The following KIAA0586 variants were observed in gnomAD, a reference collection of about 807,000 sequenced individuals.
The protein encoded by KIAA0586 is protein TALPID3.
In KIAA0586, 144 loss-of-function variants were observed where a neutral mutation model predicts 169.8. That is an observed-to-expected ratio of 0.85 (90% CI 0.74 to 0.97). The LOEUF is 0.97. Ranked by LOEUF, KIAA0586 falls within the 50% of genes least tolerant of loss-of-function variation. The pLI is 0.00. For missense variants in KIAA0586, 1,854 were observed against 1,823.0 expected, an observed-to-expected ratio of 1.02 and a Z score of -0.31; for synonymous variants, 625 against 612.4, an observed-to-expected ratio of 1.02 and a Z score of -0.30.
intron 28 of KIAA0586, among the ~76,000 whole-genome samples, chr14:58,510,430 A>G (rs2044307293): frequency 1.3e-5 from 2 of 152,150 alleles, no homozygotes; most frequent in African/African-American, 4.8e-5. Context: ...TAAAACCACA[A>G]TGAGCTACCA....
At position 58,444,137 on chromosome 14, in the gene KIAA0586, C is replaced by A; in HGVS notation, c.769C>A (p.His257Asn). 6.2e-7 allele frequency: 1 copy of A among 1,613,138 alleles called. No homozygotes were observed. The highest frequency in any genetic ancestry group is 1.3e-5 in the African/African-American group (1 of 75,038). Residue 257 changes from histidine (H) to asparagine (N), a missense_variant, in exon 6 of 31, where the codon CAT becomes AAT. His to Asn is a moderately conservative substitution (Grantham distance 68). Coordinates refer to ENST00000652326, the MANE Select transcript of KIAA0586 (RefSeq NM_001329943.3). ...TGTGTTTATGGAGCAGCACATAAGG[C>A]ATCTTGAAAAGTTACAACAACAACA... ...MNVFMEQHIR[H>N]LEKLQQQQID...
chr14:58,484,492 A>G (rs1210327007), intron 21 of KIAA0586, among the ~76,000 whole-genome samples: 1 of 152,132 alleles, frequency 6.6e-6, no homozygotes, highest in African/African-American at 2.4e-5. Context: ...ATATATGGAC[A>G]GAGCTTAATC....
chr14:58,457,104 A>G (rs1205414578), intron 10 of KIAA0586, among the ~76,000 whole-genome samples: 2 of 152,136 alleles, frequency 1.3e-5, no homozygotes, highest in South Asian at 2.1e-4. Context: ...CATTTATCCA[A>G]TCCACAATGT....
Position 58,457,864 on chromosome 14 carries a change from AT to A in KIAA0586, c.1472del (p.Leu491Ter). 1 of 1,608,718 alleles carries A rather than the reference AT, an allele frequency of 6.2e-7. No homozygotes were observed. On this transcript the variant is annotated frameshift_variant, in exon 11 of 31. Coordinates refer to ENST00000652326, the MANE Select transcript of KIAA0586 (RefSeq NM_001329943.3). LOFTEE classifies it high-confidence loss of function. The part of the protein sequence containing the change: ...TRSVLKDAEK[I>X]LRGVQNNKKV... ...ATCTGTATTGAAAGATGCTGAGAAGATTTTGAGAGGAGTACAAAACAATAAA... is the reference window on the plus strand; with the variant it reads ...ATCTGTATTGAAAGATGCTGAGAAGATTTGAGAGGAGTACAAAACAATAAA...
At chr14:58,505,675 G>C (rs186370337) in intron 27 of KIAA0586, among the ~76,000 whole-genome samples, 50 of 152,244 alleles carry the variant, frequency 3.3e-4, no homozygotes, top group Non-Finnish European at 5.6e-4. Flanking sequence ...ATATGTTTCT[G>C]ACTCCTGGTG....
intron 3 of KIAA0586, among the ~76,000 whole-genome samples, chr14:58,432,147 G>A (rs997070739): frequency 1.3e-5 from 2 of 152,078 alleles, no homozygotes; most frequent in African/African-American, 2.4e-5. Flanking sequence ...TCTTGTTCTA[G>A]TTCTTAGGGG....
chr14:58,450,407 A>G lies in KIAA0586; in HGVS notation c.962-172A>G, dbSNP rs77720058. ...CTAGATGTAAGTGTACAATGTTTGT[A>G]GTCTTCATTTCTTTTGATTTTTAAT... On this transcript the variant is annotated intron_variant, in intron 7 of 30. Coordinates refer to ENST00000652326, the MANE Select transcript of KIAA0586 (RefSeq NM_001329943.3). 1.5e-3 allele frequency among the ~76,000 whole-genome samples: 222 copies of G among 152,278 alleles called. 1 individual carries two copies. The highest frequency in any genetic ancestry group is 5.1e-3 in the African/African-American group (213 of 41,566).
downstream of KIAA0586, among the ~76,000 whole-genome samples, chr14:58,552,858 CA>C (rs1389246387): frequency 1.3e-5 from 2 of 152,172 alleles, no homozygotes; most frequent in African/African-American, 4.8e-5. Context: ...GTCTTTTTCC[CA>C]GAATTATGAA....
chr14:58,456,851 T>A, intron 10 of KIAA0586, 41 bp downstream of exon 10: 1 of 1,029,704 alleles, frequency 9.7e-7, no homozygotes, highest in African/African-American at 1.6e-5. Context: ...TTAGTTAAGA[T>A]AAAAATTAAA....
chr14:58,437,968 G>T (rs142897689), intron 4 of KIAA0586, among the ~76,000 whole-genome samples: 7 of 152,216 alleles, frequency 4.6e-5, no homozygotes, highest in Middle Eastern at 3.4e-3. Flanking sequence ...AGATGTAGGG[G>T]GTATGGTGTT....
Position 58,450,707 on chromosome 14 carries a change from T to G in KIAA0586, c.1090T>G (p.Leu364Val), listed in dbSNP as rs1186212987. The G allele has an allele frequency of 4.4e-6, 7 of 1,608,806 alleles. No homozygotes were observed. Among genetic ancestry groups the G allele is most frequent in the Non-Finnish European group, 6.0e-6 (7 of 1,175,658 alleles). ...TGAACTATCAAAGAGGGAAAATCTT[T>G]TGGAAGAAAAAGAAAATATGGAAGT... is the stretch of plus-strand genomic sequence containing the variant. ...DDELSKRENLLEEKENMEVSC... is the reference protein window; with the variant it reads ...DDELSKRENLVEEKENMEVSC... The change falls in exon 8 of 31, where the codon TTG (leucine) becomes GTG (valine). Residue 364 changes from leucine (L) to valine (V), a missense_variant. Leu to Val is a conservative substitution (Grantham distance 32). Transcript: ENST00000652326.
In KIAA0586 at chr14:58,459,943, C is replaced by G; in HGVS notation, c.1757C>G (p.Thr586Arg). The G allele has an allele frequency of 6.5e-7, 1 of 1,532,372 alleles. No individual in the cohort carries two copies. Among genetic ancestry groups the G allele is most frequent in the Non-Finnish European group, 8.7e-7 (1 of 1,143,948 alleles). The allele number at this position is 1,532,372 out of a possible 1,614,324, so 94.9% of individuals were successfully genotyped here. A position where few individuals can be genotyped will look rare whatever the true frequency, so the allele number is the denominator to read the frequency against. Residue 586 changes from threonine (T) to arginine (R), a missense_variant, in exon 13 of 31, where the codon ACA becomes AGA. Physicochemically the swap from Thr to Arg is moderately conservative, Grantham distance 71 (BLOSUM62 -1). Coordinates refer to ENST00000652326, the MANE Select transcript of KIAA0586 (RefSeq NM_001329943.3). ...ATGACTAAAGATATTAGAACCAACA[C>G]ACAAGATAAAACTGTCAACAAATCT... The part of the protein sequence containing the change: ...QNMTKDIRTN[T>R]QDKTVNKSVI...
chr14:58,543,858 CTT>C, intron 30 of KIAA0586: 1 of 397,318 alleles, frequency 2.5e-6, no homozygotes, highest in Admixed American at 2.7e-5. Context: ...ATTTTTACCT[CTT>C]TTTTTTTTAA....
At chr14:58,472,650 A>C (rs949825984) in intron 18 of KIAA0586, among the ~76,000 whole-genome samples, 3 of 151,658 alleles carry the variant, frequency 2.0e-5, no homozygotes, top group Non-Finnish European at 4.4e-5. Flanking sequence ...ATTGAGAAAA[A>C]AGTTGTGAGA....
intron 27 of KIAA0586, 82 bp downstream of exon 27, chr14:58,499,042 A>G: frequency 1.6e-6 from 2 of 1,239,696 alleles, no homozygotes; most frequent in Non-Finnish European, 2.2e-6. Context: ...ATTTTCAGAT[A>G]GGGGCTTGCA....
chr14:58,520,850 A>G (rs1243560802), intron 29 of KIAA0586: 1 of 162,916 alleles, frequency 6.1e-6, no homozygotes, highest in Admixed American at 6.0e-5. Context: ...AGGTCCATCC[A>G]TATTGTAGCA....
chr14:58,480,639 C>T (rs1446701603), intron 20 of KIAA0586, among the ~76,000 whole-genome samples: 2 of 152,132 alleles, frequency 1.3e-5, no homozygotes, highest in African/African-American at 4.8e-5. Context: ...TCCCAGCACC[C>T]AATCTCTAAA....
intron 19 of KIAA0586, among the ~76,000 whole-genome samples, chr14:58,475,804 CAAAAG>C (rs2041570694): frequency 6.6e-6 from 1 of 152,052 alleles, no homozygotes; most frequent in African/African-American, 2.4e-5. Flanking sequence ...AGATCTTACT[CAAAAG>C]TAAGTAGGCA....
chr14:58,500,417 A>G (rs774924025), intron 27 of KIAA0586, among the ~76,000 whole-genome samples: 3 of 152,178 alleles, frequency 2.0e-5, no homozygotes, highest in Non-Finnish European at 4.4e-5. Context: ...GCTTAGAAAC[A>G]CTAGACAGGC....
Sources: gnomAD v4.1 joint callset for allele counts (sites outside exome capture counted in the v4.1 genomes callset) on GRCh38, gnomAD v4.1.1 for gene constraint, MANE v1.5 for transcripts, NCBI Gene and HGNC (gene_info 2026-07-23, HGNC 2026-07-21) for gene names.